The following DYNC2H1 variants were observed in gnomAD, a reference collection of about 807,000 sequenced individuals.
The protein encoded by DYNC2H1 is cytoplasmic dynein 2 heavy chain 1.
Under a neutral mutation model 570.0 loss-of-function variants are expected in DYNC2H1, and 410 were observed. The observed-to-expected ratio is 0.72, with a 90% CI of 0.66 to 0.78. DYNC2H1 has a LOEUF of 0.78. Among genes scored for constraint, DYNC2H1 ranks in the 30% least tolerant of loss-of-function variants. The pLI is 0.00. For synonymous variants in DYNC2H1, 1,688 were observed against 1,677.6 expected (o/e 1.01, Z -0.15); for missense variants, 4,865 against 5,046.4 (o/e 0.96, Z 1.09).
At chr11:103,401,540 A>G (rs1431323781) in intron 84 of DYNC2H1, among the ~76,000 whole-genome samples, 1 of 152,194 alleles carries the variant, frequency 6.6e-6, no homozygotes, top group Non-Finnish European at 1.5e-5. Flanking sequence ...TAGAAATAAT[A>G]GAGCAAAATG....
rs200239560 is a variant in DYNC2H1, at chr11:103,168,908, C to T, written c.4916C>T (p.Thr1639Ile). 1 of 1,612,732 alleles carries T rather than the reference C, an allele frequency of 6.2e-7. No individual in the cohort carries two copies. ...AGATTCTATATGAAAAGTGATCATA[C>T]ATGTTGTGTTCAAATGGTGGATTCT... ...QLRFYMKSDH[T>I]CCVQMVDSEF... The change falls in exon 32 of 89, where the codon ACA becomes ATA. Residue 1639 changes from threonine to isoleucine, a missense_variant. By Grantham distance (89) the Thr-to-Ile change is moderately conservative. Coordinates refer to ENST00000375735, the MANE Select transcript of DYNC2H1 (RefSeq NM_001377.3).
chr11:103,341,283 T>C (rs2135485293), intron 82 of DYNC2H1, among the ~76,000 whole-genome samples: 1 of 152,356 alleles, frequency 6.6e-6, no homozygotes, highest in South Asian at 2.1e-4. Context: ...TCCATAAGAT[T>C]GTAAAAGCAA....
Position 103,171,005 on chromosome 11 carries a change from A to T in DYNC2H1, c.5271A>T (p.Gln1757His). The T allele has an allele frequency of 1.2e-6, 2 of 1,612,434 alleles. No homozygotes were observed. The highest frequency in any genetic ancestry group is 1.7e-6 in the Non-Finnish European group (2 of 1,178,976). The change falls in exon 34 of 89, where the codon CAA becomes CAT. Residue 1757 changes from glutamine to histidine, a missense_variant. Around this residue, in one of 5 missense-constraint regions of DYNC2H1, gnomAD observed 292 missense variants for 300.2 expected, o/e 0.97. Coordinates refer to ENST00000375735, the MANE Select transcript of DYNC2H1 (RefSeq NM_001377.3). Reference protein sequence around the residue: ...EESVLSAVSMQIQTIQDALKN... With the variant: ...EESVLSAVSMHIQTIQDALKN... The stretch of plus-strand genomic sequence containing the variant: ...CTGTACTGTCAGCAGTTTCTATGCA[A>T]ATCCAGACAATTCAAGATGCTTTGA...
At position 103,311,955 on chromosome 11, in the gene DYNC2H1, T is replaced by C; in HGVS notation, c.11571T>C (p.Asn3857=). The C allele has an allele frequency of 6.2e-7, 1 of 1,613,794 alleles. No individual in the cohort carries two copies. The highest frequency in any genetic ancestry group is 1.1e-5 in the South Asian group (1 of 91,044). Residue 3857 remains asparagine, a synonymous_variant, in exon 79 of 89, where the codon AAT becomes AAC. Transcript: ENST00000375735. ...WTPEQISKKD[N]THRAHALFSL... ...CTGAGCAAATTAGCAAAAAAGATAA[T>C]ACACATCGAGCTCATGCTCTCTTCA...
intron 84 of DYNC2H1, chr11:103,407,308 C>T (rs1942900311): frequency 1.3e-5 from 2 of 151,814 alleles, no homozygotes; most frequent in Non-Finnish European, 2.9e-5. Context: ...TCTGACCTTA[C>T]TTTAGGACAT....
chr11:103,161,987 A>G (rs578195714), intron 29 of DYNC2H1, among the ~76,000 whole-genome samples: 3 of 152,214 alleles, frequency 2.0e-5, no homozygotes, highest in Non-Finnish European at 4.4e-5. Flanking sequence ...ATTTTATTGG[A>G]TATTGAGTAC....
At position 103,319,308 on chromosome 11, in the gene DYNC2H1, A is replaced by T. The variant is rs1292833650; in HGVS notation, c.11726-1721A>T. On this transcript the variant is annotated intron_variant, in intron 80 of 88. Coordinates refer to ENST00000375735, the MANE Select transcript of DYNC2H1 (RefSeq NM_001377.3). The surrounding 1 kb of genome is among the most constrained non-coding windows in gnomAD (Gnocchi z 4.3). ...CTTGATTACAGAATTTTCTGACATGAAGGAACTTCCACATGTATAGAATTA... is the reference window on the plus strand; with the variant it reads ...CTTGATTACAGAATTTTCTGACATGTAGGAACTTCCACATGTATAGAATTA... Among the ~76,000 whole-genome samples the T allele has an allele frequency of 6.6e-6, 1 of 152,166 alleles. No individual in the cohort carries two copies. The highest frequency in any genetic ancestry group is 1.5e-5 in the Non-Finnish European group (1 of 67,994).
intron 47 of DYNC2H1, among the ~76,000 whole-genome samples, chr11:103,194,908 C>T (rs7109367): frequency 0.026 from 3,904 of 151,682 alleles, 175 homozygotes; most frequent in African/African-American, 0.089. Flanking sequence ...AGTAGAGACG[C>T]GGTTTCATCA....
intron 85 of DYNC2H1, among the ~76,000 whole-genome samples, chr11:103,451,244 G>T (rs1421677174): frequency 1.4e-5 from 2 of 147,108 alleles, no homozygotes; most frequent in African/African-American, 5.0e-5. Flanking sequence ...TTATAATTTT[G>T]AATGAGCAAG....
Position 103,446,208 on chromosome 11 carries a change from G to A in DYNC2H1, c.12457-8978G>A, listed in dbSNP as rs1040060846. On this transcript the variant is annotated intron_variant, in intron 85 of 88. Transcript: ENST00000375735. This position sits in a 1 kb window ranked among gnomAD's most constrained non-coding sequence, Gnocchi z 4.5. ...TACTGGAATTGGAAATAGAAAATTA[G>A]CAATTATCAGCATATCAACATAGTG... Among the ~76,000 whole-genome samples, 2 of 152,096 alleles carry A rather than the reference G, an allele frequency of 1.3e-5. No individual in the cohort carries two copies. Among genetic ancestry groups the A allele is most frequent in the Non-Finnish European group, 2.9e-5 (2 of 68,006 alleles).
At chr11:103,179,276 T>A in intron 39 of DYNC2H1, 43 bp downstream of exon 39, 1 of 1,558,614 alleles carries the variant, frequency 6.4e-7, no homozygotes, top group Non-Finnish European at 8.8e-7. Flanking sequence ...AGAATATTCT[T>A]TTACTGTCCT....
At position 103,209,507 on chromosome 11, in the gene DYNC2H1, A is replaced by C. The variant is rs1863065627; in HGVS notation, c.8455-369A>C. Reference sequence around the variant, plus strand: ...AAAAGCTAAGAATCCTTGCTACCCCACTATGTCATGAAGGCATTTTACTAG... The same window carrying C: ...AAAAGCTAAGAATCCTTGCTACCCCCCTATGTCATGAAGGCATTTTACTAG... On this transcript the variant is annotated intron_variant, in intron 52 of 88. Coordinates refer to ENST00000375735, the MANE Select transcript of DYNC2H1 (RefSeq NM_001377.3). This position sits in a 1 kb window ranked among gnomAD's most constrained non-coding sequence, Gnocchi z 4.2. Among the ~76,000 whole-genome samples, 1 of 151,856 alleles carries C rather than the reference A, an allele frequency of 6.6e-6. No homozygotes were observed. The highest frequency in any genetic ancestry group is 1.5e-5 in the Non-Finnish European group (1 of 67,866).
chr11:103,158,660 T>G lies in DYNC2H1; in HGVS notation c.4128-17T>G. ...ATTGTTAAAGTAGATGTGAAGATAC[T>G]TTTTTTTCTTTTGTAGATCAATAAT... On this transcript the variant is annotated splice_polypyrimidine_tract_variant and intron_variant, in intron 26 of 88. Coordinates refer to ENST00000375735, the MANE Select transcript of DYNC2H1 (RefSeq NM_001377.3). 2.0e-6 allele frequency: 3 copies of G among 1,503,798 alleles called. No homozygotes were observed. The highest frequency in any genetic ancestry group is 2.3e-5 in the Admixed American group (1 of 43,880). The allele number at this position is 1,503,798 out of a possible 1,614,324, so 93.2% of individuals were successfully genotyped here.
intron 15 of DYNC2H1, 83 bp from the exon 16 acceptor site, chr11:103,135,412 C>T (rs886586214): frequency 1.6e-6 from 2 of 1,233,666 alleles, no homozygotes; most frequent in Non-Finnish European, 2.1e-6. Context: ...TATAATTGTG[C>T]ATTATGTGAC....
At chr11:103,200,431 T>C (rs765703890) in intron 50 of DYNC2H1, among the ~76,000 whole-genome samples, 2 of 152,206 alleles carry the variant, frequency 1.3e-5, no homozygotes, top group African/African-American at 2.4e-5. Flanking sequence ...TATTATCTGT[T>C]ATAACCTTTG....
At position 103,148,593 on chromosome 11, in the gene DYNC2H1, T is replaced by C. The variant is rs761013187; in HGVS notation, c.2922T>C (p.Ser974=). Reference sequence around the variant, plus strand: ...TTGGTGATGCAAATCTACAATATAGTAAGTTACAAGAACGGAAGCCAGAGG... The same window carrying C: ...TTGGTGATGCAAATCTACAATATAGCAAGTTACAAGAACGGAAGCCAGAGG... The part of the protein sequence containing the change: ...EEIGDANLQY[S]KLQERKPEIL... Residue 974 remains serine (S), a synonymous_variant, in exon 20 of 89, where the codon AGT becomes AGC. Transcript: ENST00000375735. The C allele has an allele frequency of 2.2e-5, 34 of 1,568,766 alleles. No homozygotes were observed. The East Asian group carries it at 8.0e-4, about 37-fold the overall frequency.
At chr11:103,368,203 A>T (rs1232926965) in intron 83 of DYNC2H1, among the ~76,000 whole-genome samples, 1 of 152,156 alleles carries the variant, frequency 6.6e-6, no homozygotes. Context: ...AGCTATACTA[A>T]TTTACAATTC....
Position 103,157,955 on chromosome 11 carries a change from A to AT in DYNC2H1, c.4128-718dup, listed in dbSNP as rs1388474675. Among the ~76,000 whole-genome samples the AT allele has an allele frequency of 6.6e-6, 1 of 151,956 alleles. No homozygotes were observed. Among genetic ancestry groups the AT allele is most frequent in the Admixed American group, 6.6e-5 (1 of 15,254 alleles). On this transcript the variant is annotated intron_variant, in intron 26 of 88. Coordinates refer to ENST00000375735, the MANE Select transcript of DYNC2H1 (RefSeq NM_001377.3). The surrounding 1 kb of genome is among the most constrained non-coding windows in gnomAD (Gnocchi z 4.2). ...ACGTCTTCTACTCACTCACTTTTTC[A>AT]TTTTATTCTTCATCTGCATATCAAT...
intron 83 of DYNC2H1, among the ~76,000 whole-genome samples, chr11:103,383,642 T>G (rs1221353066): frequency 9.2e-6 from 1 of 109,008 alleles, no homozygotes; most frequent in Non-Finnish European, 2.0e-5. Flanking sequence ...CCCAGCTAAT[T>G]TTTTTGTATT....
Sources: allele counts gnomAD v4.1 joint callset (sites outside exome capture counted in the v4.1 genomes callset), GRCh38; gene constraint gnomAD v4.1.1; regional missense constraint gnomAD v4.1.1; non-coding constraint Gnocchi (gnomAD v3.1); transcripts MANE v1.5; gene names NCBI Gene and HGNC (gene_info 2026-07-23, HGNC 2026-07-21).